The following PRKG2 variants were observed in gnomAD, a reference collection of about 807,000 sequenced individuals.
PRKG2 encodes cGMP-dependent protein kinase 2.
A neutral mutation model predicts 97.2 loss-of-function variants in PRKG2; 33 were observed. That is an observed-to-expected ratio of 0.34 (90% confidence interval 0.26 to 0.45). PRKG2 has a LOEUF of 0.45. Ranked by LOEUF, PRKG2 falls within the 20% of genes least tolerant of loss-of-function variation. The pLI, the probability that PRKG2 is intolerant of heterozygous loss-of-function variation, is 1.00. For missense variants in PRKG2, 638 were observed against 900.0 expected (o/e 0.71, Z 3.73); for synonymous variants, 330 against 321.8 (o/e 1.03, Z -0.27).
At chr4:81,181,813 C>T (rs893936333) in intron 2 of PRKG2, among the ~76,000 whole-genome samples, 7 of 151,434 alleles carry the variant, frequency 4.6e-5, no homozygotes, top group African/African-American at 1.7e-4. Flanking sequence ...TCAAAAAATT[C>T]AAAATAAAAT....
rs1325867322 is a variant in PRKG2 at position 81,140,586 on chromosome 4, A to G, written c.1491T>C (p.His497=). 6.2e-7 allele frequency: 1 copy of G among 1,613,034 alleles called. No homozygotes were observed. Among genetic ancestry groups the G allele is most frequent in the African/African-American group, 1.3e-5 (1 of 74,928 alleles). The change falls in exon 12 of 19, where the codon CAT becomes CAC. Residue 497 remains histidine, a synonymous_variant. Coordinates refer to ENST00000264399, the MANE Select transcript of PRKG2 (RefSeq NM_006259.3). ...CTAGGATCCTCTTCTCTGAGTAGAC[A>G]TGCTCCTGCTGCTTGGTGTCAACTA... The part of the protein sequence containing the change: ...KHIVDTKQQE[H]VYSEKRILEE...
rs775142753 is a variant in PRKG2 at position 81,152,051 on chromosome 4, T to G, written c.994A>C (p.Lys332Gln). ...TFFILAKGKV[K>Q]VTQSTEGHDQ... ...TGGCCTTCTGTGCTCTGTGTTACTT[T>G]TACCTAAACAATGTTAAGCAATACA... Residue 332 changes from lysine to glutamine, a missense_variant, in exon 8 of 19, where the codon AAA (lysine) becomes CAA (glutamine). By Grantham distance (53) the Lys-to-Gln change is moderately conservative. Transcript: ENST00000264399. 16 of 1,605,962 alleles carry G rather than the reference T, an allele frequency of 1.0e-5. No individual in the cohort carries two copies. In the Admixed American group the frequency reaches 1.2e-4, roughly 12 times the overall value.
chr4:81,114,267 A>G (rs1245950680), intron 14 of PRKG2, among the ~76,000 whole-genome samples: 1 of 151,968 alleles, frequency 6.6e-6, no homozygotes, highest in African/African-American at 2.4e-5. Flanking sequence ...AATGTATCCT[A>G]TACATTTTGT....
In PRKG2 at chr4:81,087,849, C is replaced by G. The variant is rs1004309298; in HGVS notation, c.*1859G>C. On this transcript the variant is annotated 3_prime_UTR_variant, in exon 19 of 19. Transcript: ENST00000264399. ...ACAGGAAAAATAAACCTGTAGTACT[C>G]TAACTTGGTTATTTCTATATATGTA... 3 of 152,088 alleles carry G rather than the reference C, an allele frequency of 2.0e-5. No homozygotes were observed. The highest frequency in any genetic ancestry group is 7.2e-5 in the African/African-American group (3 of 41,438). The allele number at this position is 152,088 out of a possible 1,614,324, so 9.4% of individuals were successfully genotyped here.
At chr4:81,179,951 T>C (rs1419896362) in intron 2 of PRKG2, among the ~76,000 whole-genome samples, 1 of 151,934 alleles carries the variant, frequency 6.6e-6, no homozygotes, top group Non-Finnish European at 1.5e-5. Context: ...GAGACCAGCT[T>C]GGCCAACCCC....
At chr4:81,162,421 C>T (rs1749655226) in intron 6 of PRKG2, among the ~76,000 whole-genome samples, 1 of 152,094 alleles carries the variant, frequency 6.6e-6, no homozygotes, top group South Asian at 2.1e-4. Flanking sequence ...TGCTTTCATG[C>T]ATGTGTCTTT....
intron 1 of PRKG2, among the ~76,000 whole-genome samples, chr4:81,205,878 G>C (rs965740403): frequency 1.3e-5 from 2 of 152,186 alleles, no homozygotes; most frequent in African/African-American, 2.4e-5. Context: ...TGAATCTAGT[G>C]AGTCTCTGGA....
chr4:81,165,767 T>C (rs1001713884), intron 6 of PRKG2, among the ~76,000 whole-genome samples: 3 of 152,148 alleles, frequency 2.0e-5, no homozygotes, highest in African/African-American at 7.2e-5. Flanking sequence ...TGAGCCCCCA[T>C]CTATATATTC....
At chr4:81,121,924 G>A (rs1283900294) in intron 14 of PRKG2, among the ~76,000 whole-genome samples, 3 of 152,156 alleles carry the variant, frequency 2.0e-5, no homozygotes, top group Non-Finnish European at 4.4e-5. Context: ...CGTTTAATAT[G>A]TCTTGTATTA....
intron 6 of PRKG2, among the ~76,000 whole-genome samples, chr4:81,158,611 T>C (rs1179719043): frequency 6.6e-6 from 1 of 151,974 alleles, no homozygotes; most frequent in Non-Finnish European, 1.5e-5. Context: ...AAACTTCATA[T>C]GGAACCAAAA....
At chr4:81,103,516 A>G (rs764747725) in intron 17 of PRKG2, among the ~76,000 whole-genome samples, 9 of 152,172 alleles carry the variant, frequency 5.9e-5, no homozygotes, top group Non-Finnish European at 1.3e-4. Flanking sequence ...GAGGATATTC[A>G]AAGGAAAATT....
intron 14 of PRKG2, among the ~76,000 whole-genome samples, chr4:81,125,389 A>G (rs2110009773): frequency 6.6e-6 from 1 of 152,340 alleles, no homozygotes; most frequent in South Asian, 2.1e-4. Context: ...GGAATCATGC[A>G]GAAGATACTC....
chr4:81,125,084 A>G (rs542152285), intron 14 of PRKG2, among the ~76,000 whole-genome samples: 5 of 152,222 alleles, frequency 3.3e-5, no homozygotes, highest in African/African-American at 1.2e-4. Context: ...AATTACTTAA[A>G]TGTATCTTTC....
intron 17 of PRKG2, among the ~76,000 whole-genome samples, chr4:81,101,809 A>C (rs1742824687): frequency 6.6e-6 from 1 of 152,110 alleles, no homozygotes; most frequent in Non-Finnish European, 1.5e-5. Flanking sequence ...TTACTTTAGA[A>C]GAGACTGAGA....
chr4:81,193,865 C>T (rs1187772692), intron 2 of PRKG2, among the ~76,000 whole-genome samples: 1 of 152,014 alleles, frequency 6.6e-6, no homozygotes. Context: ...AACAAACAAA[C>T]AAAAACTGTA....
At chr4:81,214,055 A>T (rs1388649503) in intron 1 of PRKG2, among the ~76,000 whole-genome samples, 2 of 148,620 alleles carry the variant, frequency 1.3e-5, no homozygotes, top group African/African-American at 2.5e-5. Context: ...CTTCTTCATG[A>T]GTTAAATAGA....
intron 9 of PRKG2, among the ~76,000 whole-genome samples, chr4:81,144,862 G>GT (rs1380499551): frequency 1.3e-5 from 2 of 149,438 alleles, no homozygotes; most frequent in South Asian, 2.1e-4. Flanking sequence ...GCAGCGTTTG[G>GT]TTTTTTGTCC....
At chr4:81,200,883 A>G (rs1233443331) in intron 2 of PRKG2, among the ~76,000 whole-genome samples, 2 of 152,208 alleles carry the variant, frequency 1.3e-5, no homozygotes, top group African/African-American at 4.8e-5. Context: ...CTACATGCCC[A>G]CTGCATGCTG....
chr4:81,205,206 G>GA (rs58414299), intron 1 of PRKG2, 146 bp from the exon 2 acceptor site: 37,213 of 458,448 alleles, frequency 0.081, 16 homozygotes, highest in East Asian at 0.11. Flanking sequence ...GAAGTTTCCA[G>GA]AAAAAAAAAA....
Sources: allele counts gnomAD v4.1 joint callset (sites outside exome capture counted in the v4.1 genomes callset), GRCh38; gene constraint gnomAD v4.1.1; transcripts MANE v1.5; gene names NCBI Gene and HGNC (gene_info 2026-07-23, HGNC 2026-07-21).